The following XKR4 variants were observed in gnomAD, a reference collection of about 807,000 sequenced individuals.
XKR4 encodes the protein XK related 4.
XKR4 carries 12 observed loss-of-function variants against 53.9 expected under a neutral mutation model. The observed-to-expected ratio is 0.22, with a 90% CI of 0.14 to 0.36. The LOEUF is 0.36. Ranked by LOEUF, XKR4 falls within the 10% of genes least tolerant of loss-of-function variation. The pLI, the probability that XKR4 is intolerant of heterozygous loss-of-function variation, is 1.00. For missense variants in XKR4, 799 were observed against 859.5 expected, an observed-to-expected ratio of 0.93 and a Z score of 0.88; for synonymous variants, 354 against 362.4, an observed-to-expected ratio of 0.98 and a Z score of 0.26.
intron 2 of XKR4, among the ~76,000 whole-genome samples, chr8:55,446,510 T>A (rs1201511143): frequency 6.6e-6 from 1 of 152,010 alleles, no homozygotes; most frequent in Non-Finnish European, 1.5e-5. Context: ...CCTGGCCAAT[T>A]TTTTTGTTGC....
intron 1 of XKR4, among the ~76,000 whole-genome samples, chr8:55,356,676 G>A (rs1264582082): frequency 6.6e-6 from 1 of 152,080 alleles, no homozygotes; most frequent in African/African-American, 2.4e-5. Flanking sequence ...GATGCCCGGG[G>A]TTTGCTTTAA....
At chr8:55,479,734 A>C (rs1585597586) in intron 2 of XKR4, among the ~76,000 whole-genome samples, 1 of 152,238 alleles carries the variant, frequency 6.6e-6, no homozygotes, top group Non-Finnish European at 1.5e-5. Flanking sequence ...CCAATCCCAC[A>C]GAAATACAAA....
At chr8:55,340,134 T>A (rs1364476659) in intron 1 of XKR4, among the ~76,000 whole-genome samples, 1 of 152,232 alleles carries the variant, frequency 6.6e-6, no homozygotes, top group Non-Finnish European at 1.5e-5. Flanking sequence ...TAGTAAAATA[T>A]GATATGGCAC....
chr8:55,412,634 T>A lies in XKR4; in HGVS notation c.1006+54757T>A, dbSNP rs545333002. ...TCCAAAATTTATTCACAAAAGGATA[T>A]GTAAAACAATGGAAACAAAAAGTCC... On this transcript the variant is annotated intron_variant, in intron 2 of 2. Coordinates refer to ENST00000327381, the MANE Select transcript of XKR4 (RefSeq NM_052898.2). Among the ~76,000 whole-genome samples, 20 of 152,358 alleles carry A rather than the reference T, an allele frequency of 1.3e-4. No homozygotes were observed. In the South Asian group the frequency reaches 1.7e-3, roughly 13 times the overall value.
In XKR4 at chr8:55,488,963, A is replaced by G. The variant is rs1563364652; in HGVS notation, c.1007-34318A>G. Among the ~76,000 whole-genome samples, 2 of 151,682 alleles carry G rather than the reference A, an allele frequency of 1.3e-5. 1 individual carries two copies. Among genetic ancestry groups the G allele is most frequent in the Non-Finnish European group, 2.9e-5 (2 of 67,882 alleles). ...AAAAAAAAAAAAAAAAAAAAAAAAAAGACCAATGGTTGCTGGAGGTTAGGG... is the reference window on the plus strand; with the variant it reads ...AAAAAAAAAAAAAAAAAAAAAAAAAGGACCAATGGTTGCTGGAGGTTAGGG... On this transcript the variant is annotated intron_variant, in intron 2 of 2. Coordinates refer to ENST00000327381, the MANE Select transcript of XKR4 (RefSeq NM_052898.2).
chr8:55,314,514 T>C (rs1453879817), intron 1 of XKR4, among the ~76,000 whole-genome samples: 1 of 152,142 alleles, frequency 6.6e-6, no homozygotes, highest in Non-Finnish European at 1.5e-5. Context: ...GACAAACACC[T>C]GTGAGGGCCA....
intron 2 of XKR4, among the ~76,000 whole-genome samples, chr8:55,515,877 G>A (rs1352017097): frequency 6.6e-6 from 1 of 152,328 alleles, no homozygotes; most frequent in African/African-American, 2.4e-5. Context: ...CCCCGTGAGT[G>A]TGAACTGTGG....
intron 1 of XKR4, among the ~76,000 whole-genome samples, chr8:55,219,474 C>T (rs561088793): frequency 8.6e-4 from 131 of 152,190 alleles, no homozygotes; most frequent in Non-Finnish European, 1.4e-3. Context: ...TCAGTCTGTG[C>T]CAGTTCTCTT....
At position 55,523,884 on chromosome 8, in the gene XKR4, T is replaced by C; in HGVS notation, c.1610T>C (p.Leu537Ser). The C allele has an allele frequency of 1.2e-6, 2 of 1,614,190 alleles. No individual in the cohort carries two copies. Among genetic ancestry groups the C allele is most frequent in the East Asian group, 4.5e-5 (2 of 44,866 alleles). The change falls in exon 3 of 3, where the codon TTG (leucine) becomes TCG (serine). Residue 537 changes from leucine (L) to serine (S), a missense_variant. By Grantham distance (145) the Leu-to-Ser change is moderately radical. Transcript: ENST00000327381. The part of the protein sequence containing the change: ...ACEDPAAAFT[L>S]PPDVATSTLR... ...GAGGACCCAGCCGCTGCCTTCACTT[T>C]GCCCCCAGACGTGGCCACAAGCACC...
intron 2 of XKR4, among the ~76,000 whole-genome samples, chr8:55,441,692 T>TA (rs1308446706): frequency 2.6e-5 from 4 of 152,178 alleles, no homozygotes; most frequent in East Asian, 1.9e-4. Context: ...ATAAATTAAT[T>TA]AAAAAAATAT....
rs910611408 is a variant in XKR4 at position 55,102,724 on chromosome 8, G to T, written c.236G>T (p.Gly79Val). The T allele has an allele frequency of 1.7e-6, 2 of 1,166,262 alleles. No homozygotes were observed. Among genetic ancestry groups the T allele is most frequent in the African/African-American group, 3.3e-5 (2 of 61,180 alleles). 72.2% of individuals were successfully genotyped at this position (1,166,262 alleles called of 1,614,324 possible). A position where few individuals can be genotyped will look rare whatever the true frequency, so the allele number is the denominator to read the frequency against. ...AGSGGSAGSG[G>V]SGGVAGPGGG... Reference sequence around the variant, plus strand: ...AGTGGCGGCTCCGCGGGCTCGGGCGGCTCCGGCGGCGTCGCCGGCCCGGGC... The same window carrying T: ...AGTGGCGGCTCCGCGGGCTCGGGCGTCTCCGGCGGCGTCGCCGGCCCGGGC... Residue 79 changes from glycine to valine, a missense_variant, in exon 1 of 3, where the codon GGC becomes GTC. Physicochemically the swap from Gly to Val is moderately radical, Grantham distance 109. Transcript: ENST00000327381. The surrounding 1 kb of genome is among the most constrained non-coding windows in gnomAD (Gnocchi z 5.1).
rs1343123248 is a variant in XKR4, at chr8:55,163,898, T to G, written c.806+60604T>G. Among the ~76,000 whole-genome samples the G allele has an allele frequency of 3.9e-5, 6 of 152,180 alleles. No individual in the cohort carries two copies. The South Asian group carries it at 1.2e-3, about 31-fold the overall frequency. On this transcript the variant is annotated intron_variant, in intron 1 of 2. Transcript: ENST00000327381. ...TAAATAAATATTATATAAAGAATGT[T>G]AATTAGTACCAATAATGATCATGTG...
chr8:55,349,816 C>G (rs1803701422), intron 1 of XKR4, among the ~76,000 whole-genome samples: 1 of 152,130 alleles, frequency 6.6e-6, no homozygotes, highest in African/African-American at 2.4e-5. Flanking sequence ...TTAGTACAGT[C>G]TTTCTAGAGA....
Position 55,529,506 on chromosome 8 carries a change from C to T in XKR4, c.*5279C>T, listed in dbSNP as rs956477696. 2.0e-5 allele frequency: 3 copies of T among 152,186 alleles called. No homozygotes were observed. The highest frequency in any genetic ancestry group is 6.5e-5 in the Admixed American group (1 of 15,282). 9.4% of individuals were successfully genotyped at this position (152,186 alleles called of 1,614,324 possible). On this transcript the variant is annotated 3_prime_UTR_variant, in exon 3 of 3. Coordinates refer to ENST00000327381, the MANE Select transcript of XKR4 (RefSeq NM_052898.2). Reference sequence around the variant, plus strand: ...GGTTTACTGCGCACCTAGTGCTGGACTAAGAGCTGTATCTATGTGGTTTCA... The same window carrying T: ...GGTTTACTGCGCACCTAGTGCTGGATTAAGAGCTGTATCTATGTGGTTTCA...
chr8:55,231,729 G>A (rs1818044179), intron 1 of XKR4, among the ~76,000 whole-genome samples: 1 of 152,152 alleles, frequency 6.6e-6, no homozygotes, highest in Non-Finnish European at 1.5e-5. Flanking sequence ...TATCTGGGCA[G>A]AGCCAAATGA....
In XKR4 at chr8:55,239,309, T is replaced by C. The variant is rs73682919; in HGVS notation, c.807-118369T>C. Among the ~76,000 whole-genome samples, 556 of 152,338 alleles carry C rather than the reference T, an allele frequency of 3.6e-3. 5 individuals carry two copies. The highest frequency in any genetic ancestry group is 0.012 in the African/African-American group (503 of 41,576). ...TGGTCACGGGTGATAGCTCAAATTG[T>C]GTTCAGATAGAAAAGGAAGGCAACA... On this transcript the variant is annotated intron_variant, in intron 1 of 2. Transcript: ENST00000327381.
chr8:55,491,178 C>G (rs1441645636), intron 2 of XKR4, among the ~76,000 whole-genome samples: 1 of 152,112 alleles, frequency 6.6e-6, no homozygotes, highest in Admixed American at 6.6e-5. Context: ...TTTCATTTGG[C>G]TCTATTTTAT....
At chr8:55,391,804 G>T (rs893419936) in intron 2 of XKR4, among the ~76,000 whole-genome samples, 2 of 152,026 alleles carry the variant, frequency 1.3e-5, no homozygotes, top group African/African-American at 4.8e-5. Context: ...TAACTACAAA[G>T]AAATGACTTG....
chr8:55,161,533 G>T, intron 1 of XKR4: 1 of 456,126 alleles, frequency 2.2e-6, no homozygotes, highest in South Asian at 1.5e-5. Flanking sequence ...GATGAGCAGC[G>T]CTCAAAACCT....
Sources: allele counts gnomAD v4.1 joint callset (sites outside exome capture counted in the v4.1 genomes callset), GRCh38; gene constraint gnomAD v4.1.1; non-coding constraint Gnocchi (gnomAD v3.1); transcripts MANE v1.5; gene names NCBI Gene and HGNC (gene_info 2026-07-23, HGNC 2026-07-21).